The following SLC35D4 variants were observed in gnomAD, a reference collection of about 807,000 sequenced individuals.
SLC35D4 encodes the protein UDP-N-acetylglucosamine transporter SLC35D4.
chr18:23,373,187 C>T, the SLC35D4 span, among the ~76,000 whole-genome samples: 4 of 151,822 alleles, frequency 2.6e-5, no homozygotes, highest in Non-Finnish European at 4.4e-5. Context: ...TGGTGGTGGG[C>T]GCTTGTAATC....
chr18:23,386,056 C>A, the SLC35D4 span, among the ~76,000 whole-genome samples: 1 of 149,704 alleles, frequency 6.7e-6, no homozygotes, highest in African/African-American at 2.5e-5. Context: ...TGGCATGAAC[C>A]CAGGAGGCAG....
At chr18:23,275,609 G>A in the SLC35D4 span, among the ~76,000 whole-genome samples, 12 of 84,224 alleles carry the variant, frequency 1.4e-4, no homozygotes, top group South Asian at 3.8e-3. Context: ...GTGCTGTGCT[G>A]TGCTGTGCTG....
chr18:23,308,410 C>T, the SLC35D4 span, among the ~76,000 whole-genome samples: 2 of 152,180 alleles, frequency 1.3e-5, no homozygotes, highest in Non-Finnish European at 2.9e-5. Flanking sequence ...TACGCCTCCA[C>T]CACCACCTTG....
At chr18:23,274,237 T>C in the SLC35D4 span, among the ~76,000 whole-genome samples, 52 of 152,350 alleles carry the variant, frequency 3.4e-4, no homozygotes, top group Non-Finnish European at 6.8e-4. Context: ...CTCCCAGCCC[T>C]ACATTTCCAT....
At chr18:23,411,505 G>GAAAGAAAGA in the SLC35D4 span, among the ~76,000 whole-genome samples, 1 of 148,320 alleles carries the variant, frequency 6.7e-6, no homozygotes, top group South Asian at 2.2e-4. Flanking sequence ...AAGAAAGAAA[G>GAAAGAAAGA]AAAGAAAGAA....
the SLC35D4 span, among the ~76,000 whole-genome samples, chr18:23,251,204 G>C: frequency 1.3e-5 from 2 of 152,216 alleles, no homozygotes; most frequent in Admixed American, 1.3e-4. Flanking sequence ...TGTAATGCCA[G>C]CACTTTGGGA....
At chr18:23,292,625 C>T in the SLC35D4 span, among the ~76,000 whole-genome samples, 1 of 152,174 alleles carries the variant, frequency 6.6e-6, no homozygotes, top group African/African-American at 2.4e-5. Flanking sequence ...CTCATTTCTC[C>T]TTCTCAACAG....
the SLC35D4 span, among the ~76,000 whole-genome samples, chr18:23,362,531 G>T: frequency 8.3e-4 from 127 of 152,134 alleles, no homozygotes; most frequent in African/African-American, 3.0e-3. Flanking sequence ...CCTGGGAGGC[G>T]GAGGTTGCAG....
chr18:23,283,304 C>A, the SLC35D4 span, among the ~76,000 whole-genome samples: 594 of 150,960 alleles, frequency 3.9e-3, 6 homozygotes, highest in African/African-American at 0.014. Context: ...CTGAGTGAGA[C>A]CCTATCCCTA....
chr18:23,272,028 T>C, the SLC35D4 span, among the ~76,000 whole-genome samples: 73 of 152,322 alleles, frequency 4.8e-4, no homozygotes, highest in African/African-American at 1.7e-3. Flanking sequence ...AGTGTTTCCC[T>C]AAGTTCTGTG....
the SLC35D4 span, among the ~76,000 whole-genome samples, chr18:23,255,770 A>G: frequency 1.3e-5 from 2 of 152,000 alleles, no homozygotes; most frequent in African/African-American, 4.8e-5. Flanking sequence ...TGTATTGCCC[A>G]GGCTAGTCTC....
the SLC35D4 span, among the ~76,000 whole-genome samples, chr18:23,342,089 T>C: frequency 6.6e-6 from 1 of 152,188 alleles, no homozygotes; most frequent in Non-Finnish European, 1.5e-5. Context: ...TTGCATGCCA[T>C]AAAATTCACT....
At chr18:23,310,489 T>G in the SLC35D4 span, among the ~76,000 whole-genome samples, 3 of 152,108 alleles carry the variant, frequency 2.0e-5, no homozygotes, top group Non-Finnish European at 4.4e-5. Context: ...ACACTTGGAA[T>G]GTCTGCTTAA....
At chr18:23,404,935 G>A in the SLC35D4 span, among the ~76,000 whole-genome samples, 1 of 137,808 alleles carries the variant, frequency 7.3e-6, no homozygotes, top group African/African-American at 2.6e-5. Flanking sequence ...GCAGTGAGCT[G>A]AGATGGCACC....
the SLC35D4 span, among the ~76,000 whole-genome samples, chr18:23,405,274 G>A: frequency 2.0e-5 from 3 of 152,100 alleles, no homozygotes; most frequent in African/African-American, 7.2e-5. Flanking sequence ...TGCAACCTCC[G>A]CCTCCCAGGT....
the SLC35D4 span, among the ~76,000 whole-genome samples, chr18:23,304,459 TATA>T: frequency 1.4e-5 from 2 of 147,384 alleles, no homozygotes; most frequent in Non-Finnish European, 3.0e-5. Flanking sequence ...ATTCTTGTTA[TATA>T]ATAACATGTA....
chr18:23,372,743 C>G, the SLC35D4 span, among the ~76,000 whole-genome samples: 5 of 152,308 alleles, frequency 3.3e-5, no homozygotes, highest in Admixed American at 3.3e-4. Flanking sequence ...CCTGGCCCCC[C>G]TGTGTGATAA....
the SLC35D4 span, among the ~76,000 whole-genome samples, chr18:23,341,592 G>A: frequency 6.6e-6 from 1 of 152,198 alleles, no homozygotes; most frequent in Non-Finnish European, 1.5e-5. Context: ...CCCAGTGTAG[G>A]CACAATGACA....
chr18:23,265,305 G>A, the SLC35D4 span, among the ~76,000 whole-genome samples: 1 of 152,054 alleles, frequency 6.6e-6, no homozygotes, highest in East Asian at 1.9e-4. Flanking sequence ...GCTAGTCCCG[G>A]GATCTCACCA....
Sources: allele counts gnomAD v4.1 joint callset (sites outside exome capture counted in the v4.1 genomes callset), GRCh38; gene constraint gnomAD v4.1.1; transcripts MANE v1.5; gene names NCBI Gene and HGNC (gene_info 2026-07-23, HGNC 2026-07-21).